The following SBF2 variants were observed in gnomAD, a reference collection of about 807,000 sequenced individuals.
SBF2 encodes the protein myotubularin-related protein 13.
Under a neutral mutation model 225.2 loss-of-function variants are expected in SBF2, and 112 were observed. That is an observed-to-expected ratio of 0.50 (90% CI 0.43 to 0.58). SBF2 has a LOEUF of 0.58. Ranked by LOEUF, SBF2 falls within the 20% of genes least tolerant of loss-of-function variation. SBF2 has a pLI of 0.00. For synonymous variants in SBF2, 763 were observed against 773.3 expected (o/e 0.99, Z 0.22); for missense variants, 1,996 against 2,206.2 (o/e 0.90, Z 1.91).
chr11:10,231,960 T>C (rs1010580302), intron 1 of SBF2, among the ~76,000 whole-genome samples: 1 of 152,202 alleles, frequency 6.6e-6, no homozygotes, highest in Non-Finnish European at 1.5e-5. Context: ...CTCCACCCAG[T>C]TCGAGCTTCC....
intron 16 of SBF2, among the ~76,000 whole-genome samples, chr11:9,917,184 T>C (rs553469863): frequency 1.3e-5 from 2 of 151,950 alleles, no homozygotes; most frequent in East Asian, 3.9e-4. Context: ...TGTAACACTT[T>C]GGTGTCAATA....
chr11:10,137,054 C>T (rs1954396940), intron 2 of SBF2, among the ~76,000 whole-genome samples: 1 of 152,096 alleles, frequency 6.6e-6, no homozygotes, highest in Non-Finnish European at 1.5e-5. Flanking sequence ...ACAGTATTTC[C>T]ATTTACTTAG....
upstream of SBF2, among the ~76,000 whole-genome samples, chr11:10,295,442 A>G (rs1340694173): frequency 6.6e-6 from 1 of 152,164 alleles, no homozygotes; most frequent in African/African-American, 2.4e-5. Context: ...TCATCTACAA[A>G]TTGGGAGGGT....
chr11:9,806,655 A>ACTGCTTGG, intron 32 of SBF2, among the ~76,000 whole-genome samples: 1 of 152,218 alleles, frequency 6.6e-6, no homozygotes, highest in East Asian at 1.9e-4. Context: ...TCCTCCAGTT[A>ACTGCTTGG]CTGCTTGGAC....
chr11:10,076,501 C>T (rs1038321185), intron 2 of SBF2, among the ~76,000 whole-genome samples: 3 of 152,176 alleles, frequency 2.0e-5, no homozygotes, highest in African/African-American at 7.2e-5. Context: ...TTGGGCACTA[C>T]CCGTTTGCAG....
chr11:10,231,637 G>A (rs903679544), intron 1 of SBF2, among the ~76,000 whole-genome samples: 69 of 152,316 alleles, frequency 4.5e-4, no homozygotes, highest in African/African-American at 1.6e-3. Flanking sequence ...TTGGTGAACT[G>A]CAAATGCTGC....
intron 16 of SBF2, among the ~76,000 whole-genome samples, chr11:9,909,438 G>A (rs1042991003): frequency 3.9e-5 from 6 of 151,976 alleles, no homozygotes; most frequent in African/African-American, 1.2e-4. Context: ...TTGGGAGGCC[G>A]AGGCGGGTGG....
At position 10,077,102 on chromosome 11, in the gene SBF2, T is replaced by C. The variant is rs143185151; in HGVS notation, c.142-34121A>G. On this transcript the variant is annotated intron_variant, in intron 2 of 39. Coordinates refer to ENST00000256190, the MANE Select transcript of SBF2 (RefSeq NM_030962.4). Reference sequence around the variant, plus strand: ...CCAACCTGCAGAGCTTATTACATTATCTGTTGATAAAATTGCATGGGGTTT... The same window carrying C: ...CCAACCTGCAGAGCTTATTACATTACCTGTTGATAAAATTGCATGGGGTTT... Among the ~76,000 whole-genome samples, 182 of 152,206 alleles carry C rather than the reference T, an allele frequency of 1.2e-3. 2 individuals are homozygous for C. The highest frequency in any genetic ancestry group is 0.011 in the South Asian group (51 of 4,822).
intron 2 of SBF2, among the ~76,000 whole-genome samples, chr11:10,109,262 A>G (rs1290286262): frequency 6.6e-6 from 1 of 152,196 alleles, no homozygotes; most frequent in East Asian, 1.9e-4. Flanking sequence ...TGGAAAATAT[A>G]TTACATGTTA....
upstream of SBF2, among the ~76,000 whole-genome samples, chr11:10,297,027 C>T (rs117933847): frequency 1.4e-4 from 21 of 152,114 alleles, no homozygotes; most frequent in East Asian, 2.3e-3. Context: ...CTATTCAAGT[C>T]CTTTGCCCAT....
intron 1 of SBF2, among the ~76,000 whole-genome samples, chr11:10,206,997 C>A (rs1382161597): frequency 6.6e-6 from 1 of 151,918 alleles, no homozygotes; most frequent in Non-Finnish European, 1.5e-5. Flanking sequence ...CAAGAAGTTG[C>A]GTGACTCTCA....
At chr11:9,851,120 A>G (rs1019408364) in intron 21 of SBF2, among the ~76,000 whole-genome samples, 2 of 147,310 alleles carry the variant, frequency 1.4e-5, no homozygotes, top group African/African-American at 5.0e-5. Context: ...TGGGCAACAG[A>G]GCAAGACTCC....
intron 2 of SBF2, among the ~76,000 whole-genome samples, chr11:10,062,883 A>C (rs1427428212): frequency 6.6e-6 from 1 of 152,294 alleles, no homozygotes; most frequent in Non-Finnish European, 1.5e-5. Context: ...AAAGACCCAG[A>C]CACGTGAATG....
At chr11:10,288,872 A>T (rs1158911209) in intron 1 of SBF2, among the ~76,000 whole-genome samples, 4 of 152,166 alleles carry the variant, frequency 2.6e-5, no homozygotes, top group Non-Finnish European at 5.9e-5. Context: ...AAAAGGTACC[A>T]CAAGTCCTCG....
At chr11:10,293,627 G>T (rs1393809712) in intron 1 of SBF2, among the ~76,000 whole-genome samples, 1 of 152,196 alleles carries the variant, frequency 6.6e-6, no homozygotes, top group African/African-American at 2.4e-5. Flanking sequence ...CAGGGCAGAA[G>T]TTTATCCCCG....
intron 1 of SBF2, among the ~76,000 whole-genome samples, chr11:10,301,032 G>T (rs1045843452): frequency 1.3e-5 from 2 of 152,062 alleles, no homozygotes; most frequent in African/African-American, 4.8e-5. Flanking sequence ...CCATGTACAA[G>T]AACTGACTGT....
At chr11:10,141,375 T>C (rs554849891) in intron 2 of SBF2, among the ~76,000 whole-genome samples, 16 of 152,218 alleles carry the variant, frequency 1.1e-4, no homozygotes, top group Non-Finnish European at 2.2e-4. Flanking sequence ...AACAGTGCTT[T>C]CTGTGCTTGC....
At chr11:9,882,605 G>A (rs1018200557) in intron 17 of SBF2, among the ~76,000 whole-genome samples, 7 of 151,876 alleles carry the variant, frequency 4.6e-5, no homozygotes, top group South Asian at 2.1e-4. Context: ...TCAGGAGATC[G>A]AGACCATCCT....
chr11:9,995,641 T>C (rs1378033359), intron 9 of SBF2, among the ~76,000 whole-genome samples: 3 of 151,758 alleles, frequency 2.0e-5, no homozygotes, highest in Non-Finnish European at 4.4e-5. Flanking sequence ...TATTTCTTTT[T>C]TTCTTTTCTT....
Sources: allele counts gnomAD v4.1 joint callset (sites outside exome capture counted in the v4.1 genomes callset), GRCh38; gene constraint gnomAD v4.1.1; transcripts MANE v1.5; gene names NCBI Gene and HGNC (gene_info 2026-07-23, HGNC 2026-07-21).